TAX1BP1: variants seen among roughly 807,000 people sequenced by gnomAD.
The protein encoded by TAX1BP1 is tax1-binding protein 1.
A neutral mutation model predicts 97.7 loss-of-function variants in TAX1BP1; 62 were observed. The observed-to-expected ratio is 0.63, with a 90% confidence interval of 0.52 to 0.78. The LOEUF is 0.78. TAX1BP1 is among the 30% of genes least tolerant of loss of function. TAX1BP1 has a pLI of 0.00. For synonymous variants in TAX1BP1, 340 were observed against 304.2 expected, an observed-to-expected ratio of 1.12 and a Z score of -1.23; for missense variants, 867 against 916.1, an observed-to-expected ratio of 0.95 and a Z score of 0.69.
intron 5 of TAX1BP1, among the ~76,000 whole-genome samples, chr7:27,771,444 C>T (rs369037548): frequency 2.6e-5 from 4 of 151,466 alleles, no homozygotes; most frequent in Admixed American, 1.3e-4. Context: ...ATAGGAATGG[C>T]GGAATGATAG....
rs1787712338 is a variant in TAX1BP1 at position 27,743,794 on chromosome 7, T to TAA, written c.-8+3525_-8+3526insAA. On this transcript the variant is annotated intron_variant, in intron 1 of 16. Transcript: ENST00000396319. The stretch of plus-strand genomic sequence containing the variant: ...TTTTTTTTTTTTTTTTTTTTTTTTT[T>TAA]TTTTTTTTTTTTTTTTTTTTTTGAG... Among the ~76,000 whole-genome samples, 2 of 6,102 alleles carry TAA rather than the reference T, an allele frequency of 3.3e-4. 1 individual carries two copies. The highest frequency in any genetic ancestry group is 5.4e-4 in the Non-Finnish European group (2 of 3,734). The allele number at this position is 6,102 out of a possible 152,430, so 4.0% of individuals were successfully genotyped here.
chr7:27,784,201 A>G (rs1428654818), intron 5 of TAX1BP1, among the ~76,000 whole-genome samples: 1 of 152,148 alleles, frequency 6.6e-6, no homozygotes, highest in East Asian at 1.9e-4. Flanking sequence ...GTTGCTGGGT[A>G]GGTAAGTATT....
At position 27,748,556 on chromosome 7, in the gene TAX1BP1, C is replaced by G; in HGVS notation, c.32C>G (p.Thr11Ser). The G allele has an allele frequency of 6.2e-7, 1 of 1,601,746 alleles. No homozygotes were observed. The highest frequency in any genetic ancestry group is 8.5e-7 in the Non-Finnish European group (1 of 1,173,192). Reference protein sequence around the residue: MTSFQEVPLQTSNFAHVIFQN... With the variant: MTSFQEVPLQSSNFAHVIFQN... Reference sequence around the variant, plus strand: ...TCCTTTCAAGAAGTCCCATTGCAGACTTCCAACTTTGCCCATGTCATCTTT... The same window carrying G: ...TCCTTTCAAGAAGTCCCATTGCAGAGTTCCAACTTTGCCCATGTCATCTTT... Residue 11 changes from threonine to serine, a missense_variant, in exon 2 of 17, where the codon ACT (threonine) becomes AGT (serine). Thr to Ser is a moderately conservative substitution (Grantham distance 58, BLOSUM62 1). Transcript: ENST00000396319.
rs913741726 is a variant in TAX1BP1 at position 27,740,185 on chromosome 7, G to C, written c.-92G>C. 2.0e-5 allele frequency: 3 copies of C among 152,620 alleles called. No homozygotes were observed. Among genetic ancestry groups the C allele is most frequent in the Non-Finnish European group, 4.4e-5 (3 of 68,370 alleles). 9.5% of individuals were successfully genotyped at this position (152,620 alleles called of 1,614,324 possible). A position where few individuals can be genotyped will look rare whatever the true frequency, so the allele number is the denominator to read the frequency against. The stretch of plus-strand genomic sequence containing the variant: ...CCGGTCTTTGGGGGTAGGCGGTAGT[G>C]GCGGAAGAGGTTCGGCGGCTGATGG... On this transcript the variant is annotated 5_prime_UTR_variant, in exon 1 of 17. Transcript: ENST00000396319.
intron 12 of TAX1BP1, among the ~76,000 whole-genome samples, chr7:27,798,663 CAAAAA>C (rs34078205): frequency 1.4e-5 from 1 of 72,284 alleles, no homozygotes. Context: ...GACTCTGTCT[CAAAAA>C]AAAAAAAAAA....
intron 13 of TAX1BP1, among the ~76,000 whole-genome samples, chr7:27,804,057 A>G (rs533891275): frequency 1.1e-3 from 173 of 152,330 alleles, no homozygotes; most frequent in African/African-American, 4.1e-3. Flanking sequence ...CAAAAACTGG[A>G]ATTTTGAAAA....
At chr7:27,811,665 T>C (rs1173944355) in intron 13 of TAX1BP1, among the ~76,000 whole-genome samples, 3 of 152,162 alleles carry the variant, frequency 2.0e-5, no homozygotes. Context: ...TTGATGACTT[T>C]TGGCAAATGC....
intron 2 of TAX1BP1, among the ~76,000 whole-genome samples, chr7:27,754,350 A>T (rs1788130078): frequency 6.7e-6 from 1 of 149,856 alleles, no homozygotes; most frequent in Non-Finnish European, 1.5e-5. Flanking sequence ...TTTTAAAAAA[A>T]GTCCTCTGGT....
intron 12 of TAX1BP1, among the ~76,000 whole-genome samples, chr7:27,797,084 G>A (rs961974135): frequency 2.7e-5 from 4 of 150,764 alleles, no homozygotes; most frequent in East Asian, 2.0e-4. Flanking sequence ...TGCAATCTCC[G>A]CCTCCTGGGT....
intron 13 of TAX1BP1, among the ~76,000 whole-genome samples, chr7:27,807,054 T>C (rs1348677889): frequency 6.6e-6 from 1 of 152,216 alleles, no homozygotes; most frequent in East Asian, 1.9e-4. Flanking sequence ...TAACTGGTTA[T>C]TGTTTTTGAA....
chr7:27,757,208 A>G (rs1304004451), intron 2 of TAX1BP1, among the ~76,000 whole-genome samples: 1 of 152,168 alleles, frequency 6.6e-6, no homozygotes, highest in Admixed American at 6.5e-5. Context: ...ATGGATATCT[A>G]GTACCTGTTT....
intron 7 of TAX1BP1, 46 bp from the exon 8 acceptor site, chr7:27,787,372 G>C (rs1029971470): frequency 2.0e-6 from 3 of 1,487,298 alleles, no homozygotes; most frequent in Non-Finnish European, 1.8e-6. Flanking sequence ...GACTAACTTA[G>C]GTCATGGAGT....
chr7:27,815,035 C>A (rs1332572012), intron 13 of TAX1BP1, among the ~76,000 whole-genome samples: 2 of 152,140 alleles, frequency 1.3e-5, no homozygotes, highest in Non-Finnish European at 2.9e-5. Context: ...CTGTGCCCGG[C>A]CATTTTCCTA....
intron 4 of TAX1BP1, among the ~76,000 whole-genome samples, chr7:27,766,852 A>G (rs977564942): frequency 6.6e-6 from 1 of 152,148 alleles, no homozygotes; most frequent in Non-Finnish European, 1.5e-5. Flanking sequence ...CCAGTCTCTT[A>G]ATTTAGATTG....
In TAX1BP1 at chr7:27,769,559, A is replaced by T. The variant is rs73295564; in HGVS notation, c.454-117A>T. On this transcript the variant is annotated intron_variant, in intron 4 of 16. Transcript: ENST00000396319. The stretch of plus-strand genomic sequence containing the variant: ...GATTGATATAAAGTAGGTAGAATGT[A>T]AGAGTTCTTTCTGTGAATGTCTTCA... 1.8e-3 allele frequency: 1,469 copies of T among 794,776 alleles called. 18 individuals are homozygous for T. The African/African-American group carries it at 0.023, about 12-fold the overall frequency. 49.2% of individuals were successfully genotyped at this position (794,776 alleles called of 1,614,324 possible). A position where few individuals can be genotyped will look rare whatever the true frequency, so the allele number is the denominator to read the frequency against.
chr7:27,739,883 C>G, upstream of TAX1BP1: 1 of 152,348 alleles, frequency 6.6e-6, no homozygotes, highest in Admixed American at 6.5e-5. Flanking sequence ...GTTACTTAAA[C>G]CTCCTGTGTG....
At chr7:27,770,804 A>G (rs911522631) in intron 5 of TAX1BP1, among the ~76,000 whole-genome samples, 5 of 152,098 alleles carry the variant, frequency 3.3e-5, no homozygotes, top group Non-Finnish European at 5.9e-5. Flanking sequence ...CTTTTGAGTT[A>G]GAGGGTAAAC....
chr7:27,781,888 T>G (rs1384612120), intron 5 of TAX1BP1, among the ~76,000 whole-genome samples: 5 of 151,944 alleles, frequency 3.3e-5, no homozygotes, highest in Non-Finnish European at 7.4e-5. Context: ...CTGGCTGATT[T>G]TTATGTTTTT....
Position 27,748,598 on chromosome 7 carries a change from G to A in TAX1BP1, c.74G>A (p.Ser25Asn). Residue 25 changes from serine (S) to asparagine (N), a missense_variant, in exon 2 of 17, where the codon AGT becomes AAT. By Grantham distance (46) the Ser-to-Asn change is conservative. This residue lies in a region of TAX1BP1 where 822 missense variants were observed against 851.4 expected (regional missense o/e 0.97). Transcript: ENST00000396319. Reference protein sequence around the residue: ...AHVIFQNVAKSYLPNAHLECH... With the variant: ...AHVIFQNVAKNYLPNAHLECH... ...GTCATCTTTCAAAATGTGGCCAAGA[G>A]TTACCTTCCTAATGCACACCTGGAA... 1 of 1,606,456 alleles carries A rather than the reference G, an allele frequency of 6.2e-7. No individual in the cohort carries two copies. The highest frequency in any genetic ancestry group is 8.5e-7 in the Non-Finnish European group (1 of 1,175,726).
Sources: allele counts gnomAD v4.1 joint callset (sites outside exome capture counted in the v4.1 genomes callset), GRCh38; gene constraint gnomAD v4.1.1; regional missense constraint gnomAD v4.1.1; transcripts MANE v1.5; gene names NCBI Gene and HGNC (gene_info 2026-07-23, HGNC 2026-07-21).